The following TRPC5 variants were observed in gnomAD, a reference collection of about 807,000 sequenced individuals.
The protein encoded by TRPC5 is short transient receptor potential channel 5.
Under a neutral mutation model 56.5 loss-of-function variants are expected in TRPC5, and 9 were observed. The ratio of observed to expected loss-of-function variants is 0.16; its 90% CI spans 0.10 to 0.28. The LOEUF (loss-of-function observed/expected upper bound fraction) is 0.28, where lower values mean the gene tolerates loss of function less well. TRPC5 is among the 10% of genes least tolerant of loss of function. TRPC5 has a pLI of 1.00. For synonymous variants in TRPC5, 282 were observed against 278.5 expected (o/e 1.01, Z -0.13); for missense variants, 469 against 748.9 (o/e 0.63, Z 4.36).
intron 6 of TRPC5, among the ~76,000 whole-genome samples, chrX:111,843,518 A>T (rs1922819874): frequency 9.0e-6 from 1 of 111,335 alleles, no homozygotes; most frequent in African/African-American, 3.3e-5. Flanking sequence ...TTCAGAGGTA[A>T]TGGCATGCGA....
chrX:111,795,996 A>C (rs377021907), intron 7 of TRPC5, among the ~76,000 whole-genome samples: 3 of 107,513 alleles, frequency 2.8e-5, no homozygotes, highest in East Asian at 5.9e-4. Context: ...GTTCTGTTCA[A>C]TTTTCTTCAC....
At chrX:111,981,999 G>A (rs1361524991) in intron 1 of TRPC5, among the ~76,000 whole-genome samples, 2 of 111,107 alleles carry the variant, frequency 1.8e-5, no homozygotes, top group Non-Finnish European at 3.8e-5. Context: ...GTTATCACAA[G>A]ATCTGATGGT....
chrX:111,885,980 A>C (rs1337925365), intron 3 of TRPC5, among the ~76,000 whole-genome samples: 1 of 112,019 alleles, frequency 8.9e-6, no homozygotes, highest in African/African-American at 3.3e-5. Flanking sequence ...ATTCCCCTTA[A>C]AAATAATGTT....
chrX:112,030,850 A>C (rs1929569267), intron 1 of TRPC5, among the ~76,000 whole-genome samples: 1 of 111,910 alleles, frequency 8.9e-6, no homozygotes, highest in Non-Finnish European at 1.9e-5. Flanking sequence ...GAAGAAAAAT[A>C]ACTAGTGTTG....
chrX:111,843,352 T>C (rs1366120845), intron 6 of TRPC5, among the ~76,000 whole-genome samples: 1 of 111,975 alleles, frequency 8.9e-6, no homozygotes, highest in Non-Finnish European at 1.9e-5. Context: ...GAGATGTGTT[T>C]AGAATGCCAT....
In TRPC5 at chrX:111,847,390, G is replaced by C; in HGVS notation, c.1424C>G (p.Thr475Ser). 1 of 1,211,362 alleles carries C rather than the reference G, an allele frequency of 8.3e-7. No individual in the cohort carries two copies. Among genetic ancestry groups the C allele is most frequent in the Non-Finnish European group, 1.1e-6 (1 of 895,407 alleles). The change falls in exon 6 of 11, where the codon ACT (threonine) becomes AGT (serine). Residue 475 changes from threonine to serine, a missense_variant. Transcript: ENST00000262839. ...TGCGAAGAGTGCTTCCGCAATCAGA[G>C]TCGGGTGCCACATTTCCCATTCCTC... is the stretch of plus-strand genomic sequence containing the variant. Reference protein sequence around the residue: ...PREEWEMWHPTLIAEALFAIS... With the variant: ...PREEWEMWHPSLIAEALFAIS...
At chrX:111,994,384 G>A (rs887741848) in intron 1 of TRPC5, among the ~76,000 whole-genome samples, 6 of 111,366 alleles carry the variant, frequency 5.4e-5, no homozygotes, top group Non-Finnish European at 9.4e-5. Context: ...TTGGCAATGC[G>A]GGCTCTTTTT....
At chrX:112,035,079 T>C (rs1271667535) in intron 1 of TRPC5, among the ~76,000 whole-genome samples, 4 of 92,232 alleles carry the variant, frequency 4.3e-5, no homozygotes, top group Non-Finnish European at 8.3e-5. Flanking sequence ...AAGTTTTCCT[T>C]TTTTTTTTTT....
chrX:112,080,555 G>A lies in TRPC5; in HGVS notation c.-22+1324C>T, dbSNP rs375862042. 1.4e-4 allele frequency among the ~76,000 whole-genome samples: 16 copies of A among 111,506 alleles called. No homozygotes were observed. In the East Asian group the frequency reaches 3.6e-3, roughly 25 times the overall value. On this transcript the variant is annotated intron_variant, in intron 1 of 10. Transcript: ENST00000262839. Reference sequence around the variant, plus strand: ...TTCTTCCTTCGACCTCACAGAGAGAGCTTCAGAGACTCCTTGACCCTGTGG... The same window carrying A: ...TTCTTCCTTCGACCTCACAGAGAGAACTTCAGAGACTCCTTGACCCTGTGG...
At chrX:112,035,662 C>T (rs1010195327) in intron 1 of TRPC5, among the ~76,000 whole-genome samples, 4 of 109,109 alleles carry the variant, frequency 3.7e-5, no homozygotes, top group African/African-American at 6.7e-5. Context: ...GATGGAGTCT[C>T]GCTCTGTCAC....
At chrX:111,781,857 C>T (rs966752241) in intron 8 of TRPC5, 78 bp downstream of exon 8, 1 of 955,771 alleles carries the variant, frequency 1.0e-6, no homozygotes, top group Non-Finnish European at 1.4e-6. Context: ...GACCGTGCCA[C>T]TGCACTCCAG....
At chrX:111,903,712 G>C (rs1003403214) in intron 3 of TRPC5, 2 of 112,022 alleles carry the variant, frequency 1.8e-5, no homozygotes, top group African/African-American at 6.5e-5. Context: ...TGGCAGAAAA[G>C]AGAGGGGCTC....
chrX:111,791,160 C>T (rs1035825013), intron 7 of TRPC5, among the ~76,000 whole-genome samples: 2 of 108,886 alleles, frequency 1.8e-5, no homozygotes, highest in Admixed American at 2.0e-4. Flanking sequence ...CTGCAGCCCA[C>T]TTTCTCTTTC....
intron 1 of TRPC5, among the ~76,000 whole-genome samples, chrX:112,049,916 C>T (rs1371434885): frequency 8.9e-6 from 1 of 112,365 alleles, no homozygotes; most frequent in Non-Finnish European, 1.9e-5. Flanking sequence ...TGGCTCACGC[C>T]TGTAATGCCA....
intron 2 of TRPC5, among the ~76,000 whole-genome samples, chrX:111,917,465 T>G (rs740357): frequency 0.25 from 28,447 of 111,601 alleles, 4,332 homozygotes; most frequent in African/African-American, 0.58. Flanking sequence ...TGAGTCTCCA[T>G]ATTCCAATGC....
At chrX:111,906,093 G>A (rs1002437748) in intron 3 of TRPC5, among the ~76,000 whole-genome samples, 12 of 110,546 alleles carry the variant, frequency 1.1e-4, no homozygotes, top group Non-Finnish European at 2.1e-4. Context: ...GGTGGCTCAC[G>A]CCTATAATCC....
chrX:111,915,476 G>A (rs1199195603), intron 2 of TRPC5, among the ~76,000 whole-genome samples: 1 of 111,171 alleles, frequency 9.0e-6, no homozygotes, highest in East Asian at 2.8e-4. Flanking sequence ...GTGTGGAATG[G>A]TCTCTCGCCC....
intron 3 of TRPC5, chrX:111,876,393 T>A (rs1220540571): frequency 3.6e-5 from 4 of 111,985 alleles, no homozygotes; most frequent in Non-Finnish European, 5.6e-5. Flanking sequence ...GCACTTGCCT[T>A]CTTCTCCTGG....
intron 3 of TRPC5, among the ~76,000 whole-genome samples, chrX:111,885,850 A>G (rs779088814): frequency 7.1e-5 from 8 of 112,071 alleles, no homozygotes; most frequent in Non-Finnish European, 1.9e-5. Flanking sequence ...CAAAATTAAT[A>G]CTTGCTTATT....
Sources: gnomAD v4.1 joint callset for allele counts (sites outside exome capture counted in the v4.1 genomes callset) on GRCh38, gnomAD v4.1.1 for gene constraint, MANE v1.5 for transcripts, NCBI Gene and HGNC (gene_info 2026-07-23, HGNC 2026-07-21) for gene names.